The following ACCSL variants were observed in gnomAD, a reference collection of about 807,000 sequenced individuals.
ACCSL encodes the protein 1-aminocyclopropane-1-carboxylate synthase homolog (inactive) like, also known as probable inactive 1-aminocyclopropane-1-carboxylate synthase-like protein 2.
A neutral mutation model predicts 61.7 loss-of-function variants in ACCSL; 55 were observed. That is an observed-to-expected ratio of 0.89 (90% confidence interval 0.72 to 1.12). ACCSL has a LOEUF of 1.12. Among genes scored for constraint, ACCSL ranks in the 50% most tolerant of loss-of-function variants. The pLI, the probability that ACCSL is intolerant of heterozygous loss-of-function variation, is 0.00. For missense variants in ACCSL, 632 were observed against 698.0 expected (o/e 0.91, Z 1.07); for synonymous variants, 258 against 264.3 (o/e 0.98, Z 0.23).
the ACCSL span, among the ~76,000 whole-genome samples, chr11:43,997,873 A>G: frequency 6.6e-6 from 1 of 152,208 alleles, no homozygotes; most frequent in South Asian, 2.1e-4. Flanking sequence ...TGGGAAGAGA[A>G]TGTCTCCCTC....
the ACCSL span, among the ~76,000 whole-genome samples, chr11:43,998,849 C>T: frequency 2.0e-5 from 3 of 151,856 alleles, no homozygotes; most frequent in Admixed American, 6.6e-5. Context: ...AGCCTCAAAC[C>T]GCCAGGCTCA....
chr11:43,967,167 C>T, the ACCSL span, among the ~76,000 whole-genome samples: 122 of 62,642 alleles, frequency 1.9e-3, 2 homozygotes, highest in African/African-American at 5.5e-3. Context: ...TCTTCTTCTT[C>T]TTTTTTTTTT....
At chr11:44,026,975 G>A in the ACCSL span, among the ~76,000 whole-genome samples, 2 of 152,160 alleles carry the variant, frequency 1.3e-5, no homozygotes, top group Admixed American at 6.5e-5. Context: ...TGATCCACCC[G>A]CCTTGGCCTC....
chr11:44,024,241 G>A, the ACCSL span, among the ~76,000 whole-genome samples: 1 of 152,058 alleles, frequency 6.6e-6, no homozygotes, highest in South Asian at 2.1e-4. Flanking sequence ...TCCTGCTCTT[G>A]GACTGGGATA....
chr11:44,011,065 C>T, the ACCSL span, among the ~76,000 whole-genome samples: 2 of 152,200 alleles, frequency 1.3e-5, no homozygotes, highest in African/African-American at 4.8e-5. Flanking sequence ...AAAGATTTCA[C>T]CATGAGCCAG....
At chr11:43,981,209 A>G in the ACCSL span, among the ~76,000 whole-genome samples, 4 of 152,324 alleles carry the variant, frequency 2.6e-5, no homozygotes, top group African/African-American at 9.6e-5. Context: ...TGGGTAGCTC[A>G]TGCCTCCATG....
At chr11:43,989,909 G>C in the ACCSL span, among the ~76,000 whole-genome samples, 1 of 152,264 alleles carries the variant, frequency 6.6e-6, no homozygotes, top group Non-Finnish European at 1.5e-5. Context: ...CCCGCCAAGA[G>C]GTCAGGCAGC....
At chr11:44,029,430 C>T in the ACCSL span, among the ~76,000 whole-genome samples, 60,627 of 152,196 alleles carry the variant, frequency 0.4, 12,572 homozygotes, top group Admixed American at 0.42. Context: ...ATCAGAGAGG[C>T]TTTCTCTGTA....
chr11:44,016,678 A>C, the ACCSL span, among the ~76,000 whole-genome samples: 59 of 152,158 alleles, frequency 3.9e-4, 1 homozygote, highest in Non-Finnish European at 1.3e-4. Flanking sequence ...CCAATACCCC[A>C]AATACAGGAC....
chr11:44,031,254 TC>T, the ACCSL span, among the ~76,000 whole-genome samples: 1 of 152,174 alleles, frequency 6.6e-6, no homozygotes, highest in Non-Finnish European at 1.5e-5. Context: ...TGCCATCCCT[TC>T]CAGCAGAGGC....
the ACCSL span, among the ~76,000 whole-genome samples, chr11:44,040,788 C>T: frequency 1.5e-5 from 2 of 134,932 alleles, no homozygotes; most frequent in African/African-American, 6.5e-5. Flanking sequence ...GAGGTAGGGT[C>T]CCTCATGGAC....
At chr11:43,964,749 A>G in the ACCSL span, among the ~76,000 whole-genome samples, 19 of 152,314 alleles carry the variant, frequency 1.2e-4, no homozygotes, top group African/African-American at 3.8e-4. Flanking sequence ...ATACACCATG[A>G]CTGATGGGAT....
At chr11:43,965,191 C>T in the ACCSL span, among the ~76,000 whole-genome samples, 1 of 151,904 alleles carries the variant, frequency 6.6e-6, no homozygotes, top group African/African-American at 2.4e-5. Context: ...GTAGAAAATC[C>T]TAAAGAAACA....
At chr11:44,034,559 AAG>A in the ACCSL span, among the ~76,000 whole-genome samples, 28,024 of 151,398 alleles carry the variant, frequency 0.19, 2,863 homozygotes, top group Non-Finnish European at 0.22. Flanking sequence ...GGTGGCAAGC[AAG>A]AGAGAGAGAG....
chr11:43,951,318 C>G, the ACCSL span, among the ~76,000 whole-genome samples: 4 of 152,126 alleles, frequency 2.6e-5, no homozygotes, highest in African/African-American at 9.7e-5. Flanking sequence ...ACCCAAGGAG[C>G]CCAGTGAAAG....
chr11:43,985,253 T>G, the ACCSL span, among the ~76,000 whole-genome samples: 1 of 152,156 alleles, frequency 6.6e-6, no homozygotes, highest in South Asian at 2.1e-4. Context: ...CAAAGTGTTT[T>G]GAGAAGGGAA....
At chr11:44,046,784 A>T (rs1359415485), upstream of ACCSL, among the ~76,000 whole-genome samples, 1 of 152,186 alleles carries the variant, frequency 6.6e-6, no homozygotes, top group African/African-American at 2.4e-5. Flanking sequence ...TTGGGATATA[A>T]GGATTGTCTT....
At chr11:44,034,617 T>C in the ACCSL span, among the ~76,000 whole-genome samples, 2 of 152,058 alleles carry the variant, frequency 1.3e-5, no homozygotes, top group Non-Finnish European at 2.9e-5. Context: ...CCATCAGATC[T>C]CATGAGACTT....
chr11:43,942,464 C>CG, the ACCSL span: 4 of 212,780 alleles, frequency 1.9e-5, no homozygotes, highest in Non-Finnish European at 3.9e-5. Context: ...AGCCGGTTGG[C>CG]GGGGGGCGGG....
Sources: allele counts gnomAD v4.1 joint callset (sites outside exome capture counted in the v4.1 genomes callset), GRCh38; gene constraint gnomAD v4.1.1; transcripts MANE v1.5; gene names NCBI Gene and HGNC (gene_info 2026-07-23, HGNC 2026-07-21).